Variants in DNAJC4 observed in about 807,000 individuals in gnomAD.
DNAJC4 encodes DnaJ heat shock protein family (Hsp40) member C4.
In DNAJC4, 26 loss-of-function variants were observed where a neutral mutation model predicts 26.8. That is an observed-to-expected ratio of 0.97 (90% CI 0.71 to 1.34). DNAJC4 has a LOEUF of 1.34. Ranked by LOEUF, DNAJC4 falls within the 40% of genes most tolerant of loss-of-function variation. DNAJC4 has a pLI of 0.00. For missense variants in DNAJC4, 342 were observed against 321.1 expected (o/e 1.07, Z -0.50); for synonymous variants, 134 against 127.8 (o/e 1.05, Z -0.33).
intron 4 of DNAJC4, 66 bp downstream of exon 4, chr11:64,232,931 A>G: frequency 2.0e-6 from 3 of 1,492,280 alleles, no homozygotes; most frequent in Non-Finnish European, 2.7e-6. Context: ...CAGTGTGGTC[A>G]GCCAGTCCTC....
Position 64,230,953 on chromosome 11 carries a change from CG to C in DNAJC4, c.86+19del, listed in dbSNP as rs948365962. The C allele has an allele frequency of 1.4e-5, 21 of 1,541,824 alleles. No individual in the cohort carries two copies. Among genetic ancestry groups the C allele is most frequent in the Non-Finnish European group, 1.7e-5 (20 of 1,148,830 alleles). ...CCGCCGGGCAGCGGTGAGTTGGGCG[CG>C]GGGGGCCGGCCCGGTTGTTCAATGG... On this transcript the variant is annotated intron_variant, in intron 1 of 5. Coordinates refer to ENST00000628077, the MANE Select transcript of DNAJC4 (RefSeq NM_005528.4).
intron 2 of DNAJC4, 66 bp from the exon 3 acceptor site, chr11:64,232,364 G>A (rs1947186606): frequency 6.7e-7 from 1 of 1,497,386 alleles, no homozygotes. Flanking sequence ...GTGGGTGGAT[G>A]TCATCAGCAT....
At chr11:64,231,345 T>TCC (rs1947173242) in intron 1 of DNAJC4, 1 of 198,820 alleles carries the variant, frequency 5.0e-6, no homozygotes, top group Non-Finnish European at 1.0e-5. Context: ...CTTTTTCCTT[T>TCC]TTTTTTTTTT....
intron 4 of DNAJC4, 69 bp from the exon 5 acceptor site, chr11:64,233,825 G>T: frequency 3.2e-6 from 5 of 1,576,510 alleles, no homozygotes; most frequent in South Asian, 1.2e-5. Context: ...CCTAGAGTGG[G>T]GTGGAAGGGG....
At chr11:64,232,249 CACAGGAGGAA>C in intron 2 of DNAJC4, 171 bp from the exon 3 acceptor site, 1 of 827,708 alleles carries the variant, frequency 1.2e-6, no homozygotes, top group Non-Finnish European at 1.8e-6. Context: ...AGGGCTTGAA[CACAGGAGGAA>C]GCAGGAGTCC....
chr11:64,233,248 C>T (rs908022165), intron 4 of DNAJC4, among the ~76,000 whole-genome samples: 31 of 150,154 alleles, frequency 2.1e-4, no homozygotes, highest in Non-Finnish European at 2.5e-4. Context: ...TTTTTTTTTT[C>T]TTTGAGATGG....
At chr11:64,232,289 G>A (rs1023559497) in intron 2 of DNAJC4, 141 bp from the exon 3 acceptor site, 6 of 1,094,398 alleles carry the variant, frequency 5.5e-6, no homozygotes, top group Non-Finnish European at 7.6e-6. Flanking sequence ...GGCCTTCTGA[G>A]GAGTGGGCAG....
rs368121349 is a variant in DNAJC4, at chr11:64,234,032, C to T, written c.615-41C>T. 353 of 1,613,872 alleles carry T rather than the reference C, an allele frequency of 2.2e-4. 2 individuals carry two copies. In the African/African-American group the frequency reaches 3.8e-3, roughly 17 times the overall value. ...TGCTCCCTGTCCAGGAACCACACTT[C>T]GGGATCCCTATCCCAACCACCCAGG... On this transcript the variant is annotated intron_variant, in intron 5 of 5. Transcript: ENST00000628077. The surrounding 1 kb of genome is among the most constrained non-coding windows in gnomAD (Gnocchi z 5.3).
rs757396109 is a variant in DNAJC4 at position 64,234,107 on chromosome 11, C to T, written c.649C>T (p.Arg217Trp). The change falls in exon 6 of 6, where the codon CGG becomes TGG. Residue 217 changes from arginine to tryptophan, a missense_variant. Transcript: ENST00000628077. The surrounding 1 kb of genome is among the most constrained non-coding windows in gnomAD (Gnocchi z 5.3). ...AGGCATCCTTCAGCAGGAGCGACAACGGCTAGGGCAGCGGCAGCCGCCACC... is the reference window on the plus strand; with the variant it reads ...AGGCATCCTTCAGCAGGAGCGACAATGGCTAGGGCAGCGGCAGCCGCCACC... ...NRGILQQERQ[R>W]LGQRQPPPSE... is the part of the protein sequence containing the mutation. The T allele has an allele frequency of 4.4e-6, 7 of 1,607,326 alleles. No individual in the cohort carries two copies. The highest frequency in any genetic ancestry group is 2.7e-5 in the African/African-American group (2 of 74,908).
At chr11:64,232,399 G>A (rs1330131729) in intron 2 of DNAJC4, 31 bp from the exon 3 acceptor site, 2 of 1,536,440 alleles carry the variant, frequency 1.3e-6, no homozygotes, top group South Asian at 1.2e-5. Context: ...GACAGGCAAA[G>A]GGAGATAAGG....
rs548260923 is a variant in DNAJC4 at position 64,234,082 on chromosome 11, A to G, written c.624A>G (p.Arg208=). 2 of 1,612,564 alleles carry G rather than the reference A, an allele frequency of 1.2e-6. No individual in the cohort carries two copies. Among genetic ancestry groups the G allele is most frequent in the South Asian group, 2.2e-5 (2 of 90,980 alleles). Residue 208 remains arginine, a synonymous_variant, in exon 6 of 6, where the codon AGA becomes AGG. Coordinates refer to ENST00000628077, the MANE Select transcript of DNAJC4 (RefSeq NM_005528.4). The surrounding 1 kb of genome is among the most constrained non-coding windows in gnomAD (Gnocchi z 5.3). ...GTGCCCTCTCCTCCAGGGCCAACAG[A>G]GGCATCCTTCAGCAGGAGCGACAAC... The part of the protein sequence containing the change: ...NEARARARAN[R]GILQQERQRL...
At position 64,231,859 on chromosome 11, in the gene DNAJC4, C is replaced by G; in HGVS notation, c.87-12C>G. On this transcript the variant is annotated splice_polypyrimidine_tract_variant and intron_variant, in intron 1 of 5. Coordinates refer to ENST00000628077, the MANE Select transcript of DNAJC4 (RefSeq NM_005528.4). ...CCTTCAGCCCCTGCAAGGTTTGGGA[C>G]TCTGTCCACAGGTCCAGACCCAGTA... 6.2e-7 allele frequency: 1 copy of G among 1,613,834 alleles called. No homozygotes were observed. The highest frequency in any genetic ancestry group is 8.5e-7 in the Non-Finnish European group (1 of 1,179,770).
intron 4 of DNAJC4, 85 bp downstream of exon 4, chr11:64,232,950 C>G (rs992515241): frequency 2.1e-5 from 30 of 1,427,640 alleles, no homozygotes; most frequent in South Asian, 4.6e-5. Context: ...TCCACAGCAC[C>G]TCGTGGCCCG....
At chr11:64,231,104 G>C in intron 1 of DNAJC4, 164 bp downstream of exon 1, 1 of 910,368 alleles carries the variant, frequency 1.1e-6, no homozygotes, top group Non-Finnish European at 1.7e-6. Flanking sequence ...GACCCCCAAG[G>C]TCATACACCG....
chr11:64,231,378 G>A (rs191717044), intron 1 of DNAJC4: 5 of 200,172 alleles, frequency 2.5e-5, no homozygotes, highest in African/African-American at 8.8e-5. Context: ...AGTTTCGCTC[G>A]TTGCCCAGGC....
chr11:64,232,091 G>A, intron 2 of DNAJC4, 127 bp downstream of exon 2: 1 of 948,002 alleles, frequency 1.1e-6, no homozygotes, highest in Non-Finnish European at 1.6e-6. Flanking sequence ...CATAGGGAGT[G>A]GCAGGTGCTC....
In DNAJC4 at chr11:64,230,917, C is replaced by G. The variant is rs755669168; in HGVS notation, c.63C>G (p.Leu21=). 6.3e-7 allele frequency: 1 copy of G among 1,576,688 alleles called. No homozygotes were observed. The highest frequency in any genetic ancestry group is 8.6e-7 in the Non-Finnish European group (1 of 1,166,632). Residue 21 remains leucine, a synonymous_variant, in exon 1 of 6, where the codon CTC becomes CTG. Coordinates refer to ENST00000628077, the MANE Select transcript of DNAJC4 (RefSeq NM_005528.4). ...RLWPRNPPSR[L]LGAAAGQRSR... is the part of the protein sequence containing the mutation. ...GGCCCCGCAACCCTCCCTCCCGGCT[C>G]CTCGGAGCGGCCGCCGGGCAGCGGT...
Position 64,230,623 on chromosome 11 carries a change from A to C in DNAJC4, c.-232A>C. 2 of 643,012 alleles carry C rather than the reference A, an allele frequency of 3.1e-6. No homozygotes were observed. The highest frequency in any genetic ancestry group is 5.4e-6 in the Non-Finnish European group (2 of 368,648). The allele number at this position is 643,012 out of a possible 1,614,324, so 39.8% of individuals were successfully genotyped here. On this transcript the variant is annotated 5_prime_UTR_variant, in exon 1 of 6. Transcript: ENST00000628077. ...TCCCTGGCTGGGTGGCCAGACCCCG[A>C]AGCCAGCGCTGGGAAGGGCTGCGGA... is the stretch of plus-strand genomic sequence containing the variant.
At chr11:64,231,002 G>A (rs777213945) in intron 1 of DNAJC4, 62 bp downstream of exon 1, 1 of 1,529,112 alleles carries the variant, frequency 6.5e-7, no homozygotes. Flanking sequence ...CCTACGTGCT[G>A]AGTTAGTTGT....
Sources: gnomAD v4.1 joint callset for allele counts (sites outside exome capture counted in the v4.1 genomes callset) on GRCh38, gnomAD v4.1.1 for gene constraint, Gnocchi (gnomAD v3.1) non-coding constraint, MANE v1.5 for transcripts, NCBI Gene and HGNC (gene_info 2026-07-23, HGNC 2026-07-21) for gene names.